NBPF3: variants seen among roughly 807,000 people sequenced by gnomAD.
NBPF3 encodes NBPF family member NBPF3.
Under a neutral mutation model 78.1 loss-of-function variants are expected in NBPF3, and 57 were observed. That is an observed-to-expected ratio of 0.73 (90% confidence interval 0.59 to 0.91). The LOEUF is 0.91. NBPF3 is among the 40% of genes least tolerant of loss of function. NBPF3 has a pLI of 0.00. For missense variants in NBPF3, 510 were observed against 715.3 expected (o/e 0.71, Z 3.27); for synonymous variants, 182 against 271.7 (o/e 0.67, Z 3.25).
At chr1:21,463,631 A>C (rs6426700) in intron 2 of NBPF3, among the ~76,000 whole-genome samples, 2 of 152,244 alleles carry the variant, frequency 1.3e-5, no homozygotes, top group African/African-American at 4.8e-5. Flanking sequence ...TAAAAAACTT[A>C]TATGCTTCAA....
chr1:21,470,645 C>A lies in NBPF3; in HGVS notation c.357C>A (p.Cys119Ter), dbSNP rs1165900551. 1.3e-6 allele frequency: 2 copies of A among 1,595,788 alleles called. No homozygotes were observed. Among genetic ancestry groups the A allele is most frequent in the Non-Finnish European group, 1.7e-6 (2 of 1,168,072 alleles). ...GTCTTTTCTCAGACTATGAAGACTG[C>A]AAAGACCTCATAAAATCTATGCTGA... The part of the protein sequence containing the change: ...NRQNNYDYED[C>*]KDLIKSMLRD... The change falls in exon 4 of 15, where the codon TGC becomes TGA. Residue 119 changes from cysteine to a stop codon, truncating the protein, a stop_gained. Transcript: ENST00000318249. LOFTEE classifies it high-confidence loss of function.
chr1:21,446,805 A>G (rs1224156025), intron 2 of NBPF3, among the ~76,000 whole-genome samples: 1 of 151,934 alleles, frequency 6.6e-6, no homozygotes, highest in East Asian at 1.9e-4. Flanking sequence ...CCACTGGGGC[A>G]GCTGCTGAGT....
At chr1:21,478,667 C>A (rs2148011571) in intron 9 of NBPF3, among the ~76,000 whole-genome samples, 1 of 152,354 alleles carries the variant, frequency 6.6e-6, no homozygotes, top group East Asian at 1.9e-4. Context: ...CTACAAAGTT[C>A]TTTATGAGTT....
intron 5 of NBPF3, among the ~76,000 whole-genome samples, chr1:21,472,555 G>A (rs1642658581): frequency 6.6e-6 from 1 of 152,244 alleles, no homozygotes; most frequent in Non-Finnish European, 1.5e-5. Flanking sequence ...CCAGATGGGG[G>A]AGACAGCTGC....
chr1:21,476,244 T>A lies in NBPF3; in HGVS notation c.992+1293T>A, dbSNP rs1477460561. Among the ~76,000 whole-genome samples the A allele has an allele frequency of 6.6e-6, 1 of 152,214 alleles. No individual in the cohort carries two copies. Among genetic ancestry groups the A allele is most frequent in the Non-Finnish European group, 1.5e-5 (1 of 68,034 alleles). ...CTTATCCAATTTGCCAGTCTGTGTCTTTTAATTGGGGCATTTAGCCTATTT... is the reference window on the plus strand; with the variant it reads ...CTTATCCAATTTGCCAGTCTGTGTCATTTAATTGGGGCATTTAGCCTATTT... On this transcript the variant is annotated intron_variant, in intron 8 of 14. Coordinates refer to ENST00000318249, the MANE Select transcript of NBPF3 (RefSeq NM_032264.6). The surrounding 1 kb of genome is among the most constrained non-coding windows in gnomAD (Gnocchi z 4.1).
intron 2 of NBPF3, among the ~76,000 whole-genome samples, chr1:21,448,333 T>TA (rs1288500501): frequency 7.1e-6 from 1 of 141,564 alleles, no homozygotes; most frequent in Non-Finnish European, 1.5e-5. Context: ...TTATTATTAT[T>TA]TTTTTTTTTT....
chr1:21,465,913 G>T (rs909036693), intron 2 of NBPF3, among the ~76,000 whole-genome samples: 1 of 152,246 alleles, frequency 6.6e-6, no homozygotes, highest in African/African-American at 2.4e-5. Context: ...GTGTTCACTA[G>T]ATCAGAGGCA....
Position 21,479,399 on chromosome 1 carries a change from A to G in NBPF3, c.1207A>G (p.Arg403Gly), listed in dbSNP as rs763902028. ...GGAGGACCAAGAGGCCACAAGTCCC[A>G]GGTGAGTCTGAGAAATTATGGACAG... is the stretch of plus-strand genomic sequence containing the variant. ...KKEDQEATSP[R>G]LSRELLDEKE... The change falls in exon 10 of 15, where the codon AGG (arginine) becomes GGG (glycine). Residue 403 changes from arginine (R) to glycine (G), a missense_variant and splice_region_variant. Arg to Gly is a moderately radical substitution (Grantham distance 125). Around this residue, in one of 5 missense-constraint regions of NBPF3, gnomAD observed 22 missense variants for 59.9 expected, o/e 0.37. Coordinates refer to ENST00000318249, the MANE Select transcript of NBPF3 (RefSeq NM_032264.6). 5.0e-6 allele frequency: 8 copies of G among 1,609,810 alleles called. No homozygotes were observed. Among genetic ancestry groups the G allele is most frequent in the South Asian group, 3.3e-5 (3 of 91,060 alleles).
intron 2 of NBPF3, among the ~76,000 whole-genome samples, chr1:21,448,763 T>A (rs1641134014): frequency 6.6e-6 from 1 of 152,182 alleles, no homozygotes; most frequent in Admixed American, 6.5e-5. Context: ...CCCCAGTAGC[T>A]TCTCTTCCCT....
At chr1:21,438,633 C>G (rs1640480200), upstream of NBPF3, among the ~76,000 whole-genome samples, 1 of 152,218 alleles carries the variant, frequency 6.6e-6, no homozygotes, top group Non-Finnish European at 1.5e-5. Context: ...TGGACCTGTT[C>G]TAAGCAGTCC....
At chr1:21,448,146 C>G (rs1641096287) in intron 2 of NBPF3, among the ~76,000 whole-genome samples, 1 of 152,008 alleles carries the variant, frequency 6.6e-6, no homozygotes, top group South Asian at 2.1e-4. Context: ...TAATGAGGCT[C>G]AACTTAATTT....
chr1:21,438,324 G>A (rs990190695), upstream of NBPF3, among the ~76,000 whole-genome samples: 1 of 152,070 alleles, frequency 6.6e-6, no homozygotes, highest in South Asian at 2.1e-4. Flanking sequence ...ATGTTGGCCA[G>A]GCTGGTCTGG....
At chr1:21,441,661 C>A (rs1287156691) in intron 1 of NBPF3, among the ~76,000 whole-genome samples, 2 of 145,632 alleles carry the variant, frequency 1.4e-5, no homozygotes, top group Non-Finnish European at 3.0e-5. Flanking sequence ...GAGCCGTGAT[C>A]ATGGCAGTGC....
chr1:21,455,716 G>A (rs1641562571), intron 2 of NBPF3, among the ~76,000 whole-genome samples: 2 of 152,222 alleles, frequency 1.3e-5, no homozygotes, highest in African/African-American at 4.8e-5. Flanking sequence ...CCAATGAGGA[G>A]ACAGCTGATC....
chr1:21,483,005 A>G (rs1643303295), intron 14 of NBPF3, 138 bp from the exon 15 acceptor site: 1 of 850,352 alleles, frequency 1.2e-6, no homozygotes. Context: ...ACATAAAGGC[A>G]ATAATTTTTT....
chr1:21,476,862 G>A lies in NBPF3; in HGVS notation c.993-1282G>A, dbSNP rs537898525. Among the ~76,000 whole-genome samples the A allele has an allele frequency of 2.7e-4, 41 of 152,316 alleles. 1 individual carries two copies. Among genetic ancestry groups the A allele is most frequent in the African/African-American group, 9.9e-4 (41 of 41,562 alleles). ...GGGAAGTTCTCCTGGATAATATCCT[G>A]AAGAGTGTTTTCCAACTTGGTTCCA... On this transcript the variant is annotated intron_variant, in intron 8 of 14. Transcript: ENST00000318249. The surrounding 1 kb of genome is among the most constrained non-coding windows in gnomAD (Gnocchi z 4.1).
Position 21,448,359 on chromosome 1 carries a change from G to A in NBPF3, c.133+3140G>A, listed in dbSNP as rs373125531. On this transcript the variant is annotated intron_variant, in intron 2 of 14. Coordinates refer to ENST00000318249, the MANE Select transcript of NBPF3 (RefSeq NM_032264.6). ...TTTTTTTTTTGCATGTGTTTGTCCA[G>A]CTGTTCTAGCACCACTAGTTGGAAA... Among the ~76,000 whole-genome samples, 32 of 151,666 alleles carry A rather than the reference G, an allele frequency of 2.1e-4. 1 individual carries two copies. Among genetic ancestry groups the A allele is most frequent in the African/African-American group, 7.5e-4 (31 of 41,286 alleles).
At chr1:21,438,615 C>G (rs769460309), upstream of NBPF3, among the ~76,000 whole-genome samples, 3 of 152,216 alleles carry the variant, frequency 2.0e-5, no homozygotes, top group Non-Finnish European at 2.9e-5. Context: ...GTTATTGCCA[C>G]TATATGCTGG....
chr1:21,469,498 G>A (rs530424885), intron 3 of NBPF3, among the ~76,000 whole-genome samples: 6 of 152,086 alleles, frequency 3.9e-5, no homozygotes, highest in African/African-American at 9.7e-5. Context: ...AGGCTGAGGC[G>A]GGTAGAGCAC....
Sources: allele counts gnomAD v4.1 joint callset (sites outside exome capture counted in the v4.1 genomes callset), GRCh38; gene constraint gnomAD v4.1.1; regional missense constraint gnomAD v4.1.1; non-coding constraint Gnocchi (gnomAD v3.1); transcripts MANE v1.5; gene names NCBI Gene and HGNC (gene_info 2026-07-23, HGNC 2026-07-21).